Variants in SLIT3 observed in about 807,000 individuals in gnomAD.
SLIT3 encodes slit guidance ligand 3.
A neutral mutation model predicts 184.0 loss-of-function variants in SLIT3; 68 were observed. The observed-to-expected ratio is 0.37, with a 90% confidence interval of 0.30 to 0.45. SLIT3 has a LOEUF of 0.45. SLIT3 is among the 20% of genes least tolerant of loss of function. The pLI, the probability that SLIT3 is intolerant of heterozygous loss-of-function variation, is 1.00. For synonymous variants in SLIT3, 831 were observed against 828.6 expected (o/e 1.00, Z -0.05); for missense variants, 1,707 against 2,026.0 (o/e 0.84, Z 3.02).
intron 1 of SLIT3, among the ~76,000 whole-genome samples, chr5:169,291,271 C>T (rs989059479): frequency 6.6e-6 from 1 of 152,050 alleles, no homozygotes; most frequent in South Asian, 2.1e-4. Context: ...TGACTCCTGC[C>T]GACATTTGAG....
intron 4 of SLIT3, among the ~76,000 whole-genome samples, chr5:169,003,627 C>G (rs764535119): frequency 1.3e-5 from 2 of 152,202 alleles, no homozygotes; most frequent in Non-Finnish European, 2.9e-5. Flanking sequence ...CCAGACTTTT[C>G]TGAGAGAAGA....
At chr5:169,257,531 TCC>T (rs1319328446) in intron 1 of SLIT3, among the ~76,000 whole-genome samples, 2 of 131,942 alleles carry the variant, frequency 1.5e-5, no homozygotes, top group Non-Finnish European at 3.2e-5. Context: ...TTTCTATGCC[TCC>T]TTTTTTTTTT....
intron 1 of SLIT3, among the ~76,000 whole-genome samples, chr5:169,288,728 T>C (rs1245245911): frequency 6.6e-6 from 1 of 152,204 alleles, no homozygotes; most frequent in Non-Finnish European, 1.5e-5. Context: ...TCTTGGACAC[T>C]GTCACTTATT....
At chr5:168,894,728 C>T (rs768131433) in intron 4 of SLIT3, among the ~76,000 whole-genome samples, 2 of 152,170 alleles carry the variant, frequency 1.3e-5, no homozygotes, top group African/African-American at 2.4e-5. Context: ...TGAGAGGGTA[C>T]AATAGATTTG....
rs187656636 is a variant in SLIT3, at chr5:168,853,193, C to T, written c.486-8538G>A. Among the ~76,000 whole-genome samples the T allele has an allele frequency of 2.4e-3, 365 of 152,250 alleles. 1 individual carries two copies. Among genetic ancestry groups the T allele is most frequent in the Middle Eastern group, 6.8e-3 (2 of 294 alleles). On this transcript the variant is annotated intron_variant, in intron 5 of 35. Transcript: ENST00000519560. ...TCAGACTCACATGCTTTTTGTATTT[C>T]TCCTGCTATTACAAGATTGAAATAC... is the stretch of plus-strand genomic sequence containing the variant.
At chr5:169,083,020 T>A (rs1759134770) in intron 4 of SLIT3, among the ~76,000 whole-genome samples, 1 of 151,134 alleles carries the variant, frequency 6.6e-6, no homozygotes, top group South Asian at 2.1e-4. Flanking sequence ...CTTTATTAAA[T>A]CTCTACCATA....
intron 4 of SLIT3, among the ~76,000 whole-genome samples, chr5:169,191,268 G>A (rs944404948): frequency 6.6e-6 from 1 of 152,182 alleles, no homozygotes; most frequent in Non-Finnish European, 1.5e-5. Flanking sequence ...CATCACTGAT[G>A]GAGTGCCTAT....
chr5:168,984,063 A>G (rs541873377), intron 4 of SLIT3, among the ~76,000 whole-genome samples: 1 of 147,096 alleles, frequency 6.8e-6, no homozygotes, highest in African/African-American at 2.5e-5. Context: ...ATATATATAT[A>G]TTTTTTTTAA....
At chr5:168,733,066 G>A (rs1475815062) in intron 20 of SLIT3, among the ~76,000 whole-genome samples, 1 of 151,654 alleles carries the variant, frequency 6.6e-6, no homozygotes, top group African/African-American at 2.4e-5. Context: ...CCTAAACAAA[G>A]GTTTGATATC....
At chr5:169,064,658 G>A (rs576641879) in intron 4 of SLIT3, among the ~76,000 whole-genome samples, 1 of 152,326 alleles carries the variant, frequency 6.6e-6, no homozygotes, top group African/African-American at 2.4e-5. Flanking sequence ...CGTGCCATAA[G>A]TCTCTTGTGA....
chr5:169,171,366 G>C (rs947873466), intron 4 of SLIT3, among the ~76,000 whole-genome samples: 7 of 152,220 alleles, frequency 4.6e-5, no homozygotes, highest in African/African-American at 1.2e-4. Context: ...CCCAGGCAGG[G>C]AGAATGGTCT....
intron 26 of SLIT3, among the ~76,000 whole-genome samples, chr5:168,702,643 C>G (rs1229968459): frequency 6.6e-6 from 1 of 151,790 alleles, no homozygotes; most frequent in Non-Finnish European, 1.5e-5. Flanking sequence ...TGTAAGACAC[C>G]TAGCATGTAA....
chr5:168,985,725 G>A lies in SLIT3; in HGVS notation c.414-102389C>T, dbSNP rs192646001. ...CAGGGACAAAGACTCACCTTGAACC[G>A]GGAGGCTGTGAGGTTTGCAGCTGTG... On this transcript the variant is annotated intron_variant, in intron 4 of 35. Transcript: ENST00000519560. Among the ~76,000 whole-genome samples the A allele has an allele frequency of 3.5e-4, 53 of 152,298 alleles. No individual in the cohort carries two copies. In the South Asian group the frequency reaches 5.4e-3, roughly 15 times the overall value.
At chr5:168,780,132 C>T (rs1177387732) in intron 12 of SLIT3, among the ~76,000 whole-genome samples, 1 of 152,256 alleles carries the variant, frequency 6.6e-6, no homozygotes, top group Non-Finnish European at 1.5e-5. Context: ...TGGCCCAGTG[C>T]AATCATTCTG....
chr5:168,803,562 G>A (rs1422970291), intron 9 of SLIT3, among the ~76,000 whole-genome samples: 1 of 152,192 alleles, frequency 6.6e-6, no homozygotes, highest in African/African-American at 2.4e-5. Context: ...GTATCCACGA[G>A]GTCCAAACTG....
rs556198054 is a variant in SLIT3 at position 168,701,730 on chromosome 5, G to A, written c.2845-1051C>T. On this transcript the variant is annotated intron_variant, in intron 26 of 35. Coordinates refer to ENST00000519560, the MANE Select transcript of SLIT3 (RefSeq NM_003062.4). The stretch of plus-strand genomic sequence containing the variant: ...TACAGGACCTGGTAGCGTGGGGCCT[G>A]GGGAGGTGACTGCTGCATCCTTTCT... Among the ~76,000 whole-genome samples, 4 of 152,350 alleles carry A rather than the reference G, an allele frequency of 2.6e-5. No homozygotes were observed. The South Asian group carries it at 6.2e-4, about 24-fold the overall frequency.
At chr5:169,008,842 A>G (rs1051271365) in intron 4 of SLIT3, among the ~76,000 whole-genome samples, 22 of 152,120 alleles carry the variant, frequency 1.4e-4, no homozygotes, top group Admixed American at 4.6e-4. Flanking sequence ...AACATTCACT[A>G]AGCCCTTACT....
intron 12 of SLIT3, among the ~76,000 whole-genome samples, chr5:168,774,689 T>C (rs1019640415): frequency 2.0e-5 from 3 of 152,130 alleles, no homozygotes; most frequent in African/African-American, 7.2e-5. Flanking sequence ...CACTTTCTGT[T>C]TTAGGATTCA....
At chr5:169,297,151 C>T (rs1026457640) in intron 1 of SLIT3, among the ~76,000 whole-genome samples, 1 of 152,230 alleles carries the variant, frequency 6.6e-6, no homozygotes, top group Non-Finnish European at 1.5e-5. Context: ...TCTATCTTTG[C>T]TGCACGGATA....
Sources: allele counts gnomAD v4.1 joint callset (sites outside exome capture counted in the v4.1 genomes callset), GRCh38; gene constraint gnomAD v4.1.1; transcripts MANE v1.5; gene names NCBI Gene and HGNC (gene_info 2026-07-23, HGNC 2026-07-21).